Variants in ENOX2 observed in about 807,000 individuals in gnomAD.
ENOX2 encodes ecto-NOX disulfide-thiol exchanger 2.
A neutral mutation model predicts 45.0 loss-of-function variants in ENOX2; 36 were observed. The observed-to-expected ratio is 0.80, with a 90% CI of 0.61 to 1.06. The LOEUF (loss-of-function observed/expected upper bound fraction) is 1.06. Among genes scored for constraint, ENOX2 ranks in the 50% least tolerant of loss-of-function variants. ENOX2 has a pLI of 0.00. For synonymous variants in ENOX2, 174 were observed against 152.3 expected (o/e 1.14, Z -1.05); for missense variants, 423 against 462.5 (o/e 0.91, Z 0.78).
At chrX:130,862,346 TTTCCTCCAAA>T (rs1312398858) in intron 2 of ENOX2, among the ~76,000 whole-genome samples, 1 of 111,174 alleles carries the variant, frequency 9.0e-6, no homozygotes, top group Non-Finnish European at 1.9e-5. Context: ...AGATAGCCGC[TTTCCTCCAAA>T]TTCCTCCAAA....
intron 3 of ENOX2, among the ~76,000 whole-genome samples, chrX:130,703,804 G>A (rs748464768): frequency 9.0e-6 from 1 of 111,489 alleles, no homozygotes; most frequent in East Asian, 2.8e-4. Context: ...TGACAATTTT[G>A]GGGGTTAGGG....
At chrX:130,784,248 T>C (rs1270644038) in intron 2 of ENOX2, among the ~76,000 whole-genome samples, 1 of 111,911 alleles carries the variant, frequency 8.9e-6, no homozygotes, top group African/African-American at 3.3e-5. Context: ...TGGGGAATTA[T>C]GACCTAGATT....
At chrX:130,650,813 C>A (rs748501998) in intron 10 of ENOX2, among the ~76,000 whole-genome samples, 30 of 111,611 alleles carry the variant, frequency 2.7e-4, no homozygotes, top group African/African-American at 4.9e-4. Flanking sequence ...GAGCCACTAA[C>A]AGCAAAATCC....
At chrX:130,684,272 T>C (rs2037387006) in intron 5 of ENOX2, among the ~76,000 whole-genome samples, 1 of 112,327 alleles carries the variant, frequency 8.9e-6, no homozygotes, top group Non-Finnish European at 1.9e-5. Flanking sequence ...ATATTTTTGC[T>C]TTACACACAA....
chrX:130,630,636 T>G (rs1216405887), intron 13 of ENOX2, among the ~76,000 whole-genome samples: 1 of 111,666 alleles, frequency 9.0e-6, no homozygotes, highest in African/African-American at 3.3e-5. Flanking sequence ...TTATGCTAAA[T>G]CAGTAAGAGT....
At chrX:130,804,944 A>C (rs1031648643) in intron 2 of ENOX2, among the ~76,000 whole-genome samples, 1 of 111,256 alleles carries the variant, frequency 9.0e-6, no homozygotes, top group Non-Finnish European at 1.9e-5. Context: ...TTAGTAAGAC[A>C]TGGGGTGTTT....
intron 2 of ENOX2, among the ~76,000 whole-genome samples, chrX:130,835,773 C>G (rs924608341): frequency 8.1e-5 from 9 of 111,264 alleles, no homozygotes; most frequent in Non-Finnish European, 1.5e-4. Context: ...ATAACATCCC[C>G]TTTAGCTCTA....
intron 3 of ENOX2, among the ~76,000 whole-genome samples, chrX:130,737,313 T>C (rs1476495306): frequency 1.8e-5 from 2 of 112,637 alleles, no homozygotes; most frequent in Non-Finnish European, 3.7e-5. Context: ...TATGTGAATT[T>C]AGTTCATTCT....
At chrX:130,633,313 T>C (rs1415728172) in intron 12 of ENOX2, among the ~76,000 whole-genome samples, 1 of 112,357 alleles carries the variant, frequency 8.9e-6, no homozygotes, top group Non-Finnish European at 1.9e-5. Flanking sequence ...GAAATTATTT[T>C]TGCAGTCTAA....
Position 130,685,369 on chromosome X carries a change from G to A in ENOX2, c.253+3494C>T, listed in dbSNP as rs190059986. On this transcript the variant is annotated intron_variant, in intron 5 of 14. Transcript: ENST00000394363. ...ATGGGGAGCCATTCAAGGGTTCTGA[G>A]TAGAGGAATTACATGATCAGACTTA... Among the ~76,000 whole-genome samples, 185 of 112,074 alleles carry A rather than the reference G, an allele frequency of 1.7e-3. 1 individual carries two copies. The highest frequency in any genetic ancestry group is 5.6e-3 in the African/African-American group (172 of 30,876).
chrX:130,693,618 T>C (rs1051379457), intron 4 of ENOX2, among the ~76,000 whole-genome samples: 1 of 112,160 alleles, frequency 8.9e-6, no homozygotes, highest in African/African-American at 3.2e-5. Flanking sequence ...AGCAAATATG[T>C]TGGAAAAAAT....
At chrX:130,718,105 C>A (rs150700560) in intron 3 of ENOX2, among the ~76,000 whole-genome samples, 151 of 110,866 alleles carry the variant, frequency 1.4e-3, no homozygotes, top group African/African-American at 4.8e-3. Context: ...TTCTGTGTCT[C>A]CCTCACCACC....
intron 12 of ENOX2, 105 bp downstream of exon 12, chrX:130,634,879 T>C (rs943339256): frequency 1.8e-5 from 8 of 446,410 alleles, no homozygotes; most frequent in Non-Finnish European, 3.0e-5. Flanking sequence ...CGGCCAAAAA[T>C]GTTTGGCCCC....
At chrX:130,731,765 T>C (rs761833544) in intron 3 of ENOX2, among the ~76,000 whole-genome samples, 1 of 112,186 alleles carries the variant, frequency 8.9e-6, no homozygotes, top group East Asian at 2.8e-4. Flanking sequence ...ATGATTGTCT[T>C]AATGGGTGCA....
Position 130,665,684 on chromosome X carries a change from CTTTTG to C in ENOX2, c.968_972del (p.Thr323SerfsTer14). ...CACACGCTGATGTTCTTCCGCTGGG[CTTTTG>C]TGAAGTGGTCCCATGCCTTCTGCTT... On this transcript the variant is annotated frameshift_variant, in exon 9 of 15. Transcript: ENST00000394363. LOFTEE classifies it high-confidence loss of function. 1 of 1,206,921 alleles carries C rather than the reference CTTTTG, an allele frequency of 8.3e-7. No homozygotes were observed. Among genetic ancestry groups the C allele is most frequent in the Non-Finnish European group, 1.1e-6 (1 of 892,995 alleles).
At chrX:130,884,550 C>T (rs1314453375) in intron 2 of ENOX2, among the ~76,000 whole-genome samples, 1 of 111,504 alleles carries the variant, frequency 9.0e-6, no homozygotes, top group Non-Finnish European at 1.9e-5. Flanking sequence ...AAAGTTTTAC[C>T]AGAGAGCTTG....
intron 13 of ENOX2, among the ~76,000 whole-genome samples, chrX:130,631,257 A>G (rs903795861): frequency 1.8e-5 from 2 of 111,740 alleles, no homozygotes; most frequent in Non-Finnish European, 3.8e-5. Flanking sequence ...TTGACATGGC[A>G]GTGGCTACAA....
At chrX:130,663,589 G>A (rs1011839632) in intron 9 of ENOX2, among the ~76,000 whole-genome samples, 10 of 108,430 alleles carry the variant, frequency 9.2e-5, no homozygotes, top group South Asian at 4.1e-4. Context: ...TCCAACCAGA[G>A]GCTCCCTTCC....
chrX:130,888,612 T>C (rs983205151), intron 2 of ENOX2, among the ~76,000 whole-genome samples: 2 of 112,233 alleles, frequency 1.8e-5, no homozygotes, highest in Non-Finnish European at 3.8e-5. Flanking sequence ...TGTATGGGAT[T>C]ATTACTACCA....
Sources: allele counts gnomAD v4.1 joint callset (sites outside exome capture counted in the v4.1 genomes callset), GRCh38; gene constraint gnomAD v4.1.1; transcripts MANE v1.5; gene names NCBI Gene and HGNC (gene_info 2026-07-23, HGNC 2026-07-21).